The following STXBP5L variants were observed in gnomAD, a reference collection of about 807,000 sequenced individuals.
The protein encoded by STXBP5L is syntaxin binding protein 5L.
Under a neutral mutation model 144.5 loss-of-function variants are expected in STXBP5L, and 65 were observed. The observed-to-expected ratio is 0.45, with a 90% CI of 0.37 to 0.55. The LOEUF is 0.55. STXBP5L is among the 20% of genes least tolerant of loss of function. STXBP5L has a pLI of 0.00. For synonymous variants in STXBP5L, 505 were observed against 469.6 expected, an observed-to-expected ratio of 1.08 and a Z score of -0.97; for missense variants, 1,298 against 1,405.5, an observed-to-expected ratio of 0.92 and a Z score of 1.22.
intron 20 of STXBP5L, among the ~76,000 whole-genome samples, chr3:121,340,207 C>A (rs1454307477): frequency 6.6e-6 from 1 of 151,984 alleles, no homozygotes; most frequent in African/African-American, 2.4e-5. Flanking sequence ...AAAGTAGATA[C>A]GTAGACCAAT....
intron 3 of STXBP5L, among the ~76,000 whole-genome samples, chr3:121,027,663 A>G (rs1946049842): frequency 6.6e-6 from 1 of 151,878 alleles, no homozygotes; most frequent in Non-Finnish European, 1.5e-5. Flanking sequence ...TTTCACTTAT[A>G]AGGACTCTTG....
At chr3:121,038,563 T>C (rs1240514593) in intron 3 of STXBP5L, among the ~76,000 whole-genome samples, 3 of 151,962 alleles carry the variant, frequency 2.0e-5, no homozygotes, top group Non-Finnish European at 4.4e-5. Flanking sequence ...AAAAGTATAT[T>C]TATTCTGCTC....
chr3:121,180,956 C>T (rs1207928836), intron 9 of STXBP5L, among the ~76,000 whole-genome samples: 9 of 149,702 alleles, frequency 6.0e-5, no homozygotes, highest in African/African-American at 2.0e-4. Flanking sequence ...AGAAAAGAAG[C>T]AGAGGGTAAG....
Position 121,177,161 on chromosome 3 carries a change from T to C in STXBP5L, c.877+19534T>C, listed in dbSNP as rs148055168. Among the ~76,000 whole-genome samples, 556 of 152,094 alleles carry C rather than the reference T, an allele frequency of 3.7e-3. 2 individuals are homozygous for C. The highest frequency in any genetic ancestry group is 6.6e-3 in the Non-Finnish European group (445 of 67,920). ...GAAGCATCACAACATATATTAAATA[T>C]AACAACGAACAAAACAAAGACACTG... On this transcript the variant is annotated intron_variant, in intron 9 of 26. Transcript: ENST00000471454.
At chr3:121,037,666 A>G (rs1329589724) in intron 3 of STXBP5L, among the ~76,000 whole-genome samples, 1 of 152,084 alleles carries the variant, frequency 6.6e-6, no homozygotes, top group African/African-American at 2.4e-5. Context: ...GAGTAAAAGT[A>G]TTTTTATAGA....
chr3:121,414,137 A>G (rs533158066), intron 24 of STXBP5L, among the ~76,000 whole-genome samples: 34 of 117,298 alleles, frequency 2.9e-4, no homozygotes, highest in African/African-American at 1.2e-3. Context: ...CACCATTGTC[A>G]TTCTACAGAT....
At chr3:121,137,024 G>A (rs930540411) in intron 7 of STXBP5L, among the ~76,000 whole-genome samples, 2 of 152,108 alleles carry the variant, frequency 1.3e-5, no homozygotes, top group Non-Finnish European at 2.9e-5. Context: ...GGAGCTAAAC[G>A]TTGTGTACAC....
At chr3:121,364,948 C>T (rs892092020) in intron 20 of STXBP5L, among the ~76,000 whole-genome samples, 4 of 151,744 alleles carry the variant, frequency 2.6e-5, no homozygotes, top group African/African-American at 9.7e-5. Context: ...TCATCAAATG[C>T]TTTTTCTGCT....
intron 16 of STXBP5L, among the ~76,000 whole-genome samples, chr3:121,256,173 C>G (rs1290947023): frequency 6.6e-6 from 1 of 151,940 alleles, no homozygotes; most frequent in Non-Finnish European, 1.5e-5. Flanking sequence ...ATACCAATTT[C>G]ATAGGGTTCT....
intron 2 of STXBP5L, among the ~76,000 whole-genome samples, chr3:120,917,066 A>G (rs1254533644): frequency 1.3e-5 from 2 of 152,240 alleles, no homozygotes. Context: ...GCAGAATAAT[A>G]TGAGGAAAAT....
chr3:121,291,353 G>T (rs1180658676), intron 19 of STXBP5L, among the ~76,000 whole-genome samples: 1 of 152,038 alleles, frequency 6.6e-6, no homozygotes, highest in Non-Finnish European at 1.5e-5. Flanking sequence ...AACTAAGGAG[G>T]TGAACGATCT....
chr3:121,007,006 G>T (rs1265215982), intron 3 of STXBP5L, among the ~76,000 whole-genome samples: 2 of 151,992 alleles, frequency 1.3e-5, no homozygotes, highest in East Asian at 1.9e-4. Flanking sequence ...TTCAACTTTG[G>T]TGAATCTGAC....
chr3:120,919,276 A>G (rs903441007), intron 2 of STXBP5L, among the ~76,000 whole-genome samples: 9 of 152,088 alleles, frequency 5.9e-5, no homozygotes, highest in African/African-American at 1.9e-4. Context: ...TTCACTCTAC[A>G]GTTACTTAGA....
rs571317665 is a variant in STXBP5L, at chr3:120,946,855, GC to G, written c.190-8084del. Among the ~76,000 whole-genome samples, 458 of 151,704 alleles carry G rather than the reference GC, an allele frequency of 3.0e-3. 1 individual carries two copies. The highest frequency in any genetic ancestry group is 0.01 in the African/African-American group (428 of 41,448). On this transcript the variant is annotated intron_variant, in intron 2 of 26. Transcript: ENST00000471454. ...TGTCAAATTAAAAAGTAGAGGGGAA[GC>G]AAAAGTCATTTTGTTTCCGGTAGTG...
At chr3:121,370,572 C>T (rs2046000049) in intron 20 of STXBP5L, among the ~76,000 whole-genome samples, 1 of 152,166 alleles carries the variant, frequency 6.6e-6, no homozygotes, top group African/African-American at 2.4e-5. Flanking sequence ...TGAGAATGGA[C>T]TAATACAGAT....
At chr3:121,191,087 C>T (rs1185367348) in intron 9 of STXBP5L, among the ~76,000 whole-genome samples, 1 of 151,996 alleles carries the variant, frequency 6.6e-6, no homozygotes, top group Non-Finnish European at 1.5e-5. Flanking sequence ...CTCCTCACAT[C>T]CCAGACGATG....
intron 20 of STXBP5L, among the ~76,000 whole-genome samples, chr3:121,320,998 C>T (rs1157532278): frequency 6.6e-6 from 1 of 152,132 alleles, no homozygotes; most frequent in East Asian, 1.9e-4. Flanking sequence ...CGTGCCCGGC[C>T]CACACTTTAT....
At chr3:121,078,022 G>A (rs1284445090) in intron 5 of STXBP5L, among the ~76,000 whole-genome samples, 2 of 152,050 alleles carry the variant, frequency 1.3e-5, no homozygotes, top group South Asian at 4.1e-4. Context: ...CTAGACACAG[G>A]GTGCTGATTG....
At chr3:121,050,871 AATAAAGG>A (rs1354547920) in intron 5 of STXBP5L, among the ~76,000 whole-genome samples, 2 of 152,226 alleles carry the variant, frequency 1.3e-5, no homozygotes, top group Admixed American at 1.3e-4. Flanking sequence ...ATAGGCTCAA[AATAAAGG>A]GATGGAGGAA....
Sources: gnomAD v4.1 joint callset for allele counts (sites outside exome capture counted in the v4.1 genomes callset) on GRCh38, gnomAD v4.1.1 for gene constraint, MANE v1.5 for transcripts, NCBI Gene and HGNC (gene_info 2026-07-23, HGNC 2026-07-21) for gene names.